IGSF3: variants seen among roughly 807,000 people sequenced by gnomAD.
IGSF3 encodes glu-Trp-Ile EWI motif-containing protein 3.
In IGSF3, 23 loss-of-function variants were observed where a neutral mutation model predicts 114.4. The ratio of observed to expected loss-of-function variants is 0.20; its 90% CI spans 0.14 to 0.28. The LOEUF (loss-of-function observed/expected upper bound fraction) is 0.28, where lower values mean the gene tolerates loss of function less well. Ranked by LOEUF, IGSF3 falls within the 10% of genes least tolerant of loss-of-function variation. The pLI is 1.00. For synonymous variants in IGSF3, 571 were observed against 645.2 expected, an observed-to-expected ratio of 0.88 and a Z score of 1.74; for missense variants, 1,172 against 1,591.5, an observed-to-expected ratio of 0.74 and a Z score of 4.48.
chr1:116,584,943 G>C lies in IGSF3; in HGVS notation c.2550C>G (p.Leu850=). 6.2e-7 allele frequency: 1 copy of C among 1,612,542 alleles called. No homozygotes were observed. Among genetic ancestry groups the C allele is most frequent in the South Asian group, 1.1e-5 (1 of 91,032 alleles). ...GCTTCCATACAAACCATTCCACCAT[G>C]AGCTGGGAGGTTATGCTGGTGCGGT... ...VLNRTSITSQ[L]MVEWFVWKPN... The change falls in exon 9 of 11, where the codon CTC becomes CTG. Residue 850 remains leucine (L), a synonymous_variant. Coordinates refer to ENST00000369486, the MANE Select transcript of IGSF3 (RefSeq NM_001007237.3). The surrounding 1 kb of genome is among the most constrained non-coding windows in gnomAD (Gnocchi z 5.8).
Position 116,614,277 on chromosome 1 carries a change from C to G in IGSF3, c.422-102G>C. The G allele has an allele frequency of 1.1e-6, 1 of 896,666 alleles. No homozygotes were observed. Among genetic ancestry groups the G allele is most frequent in the Non-Finnish European group, 1.8e-6 (1 of 566,764 alleles). The allele number at this position is 896,666 out of a possible 1,614,324, so 55.5% of individuals were successfully genotyped here. A position where few individuals can be genotyped will look rare whatever the true frequency, so the allele number is the denominator to read the frequency against. On this transcript the variant is annotated intron_variant, in intron 3 of 10. Transcript: ENST00000369486. This position sits in a 1 kb window ranked among gnomAD's most constrained non-coding sequence, Gnocchi z 4.5. Reference sequence around the variant, plus strand: ...CACGCAGGCGTCACTGCACTGCGCCCCTAACAGTCATCCTTGAACCATCGA... The same window carrying G: ...CACGCAGGCGTCACTGCACTGCGCCGCTAACAGTCATCCTTGAACCATCGA...
At position 116,665,327 on chromosome 1, in the gene IGSF3, TCATAA is replaced by T. The variant is rs1649285007; in HGVS notation, c.43+952_43+956del. On this transcript the variant is annotated intron_variant, in intron 2 of 10. Coordinates refer to ENST00000369486, the MANE Select transcript of IGSF3 (RefSeq NM_001007237.3). The surrounding 1 kb of genome is among the most constrained non-coding windows in gnomAD (Gnocchi z 4.0). ...GAGACGTGAACCCTGTAGGCAACAA[TCATAA>T]TCCCTTCTGAATGCAGAGGACCGAG... 6.6e-6 allele frequency among the ~76,000 whole-genome samples: 1 copy of T among 152,138 alleles called. No homozygotes were observed. Among genetic ancestry groups the T allele is most frequent in the African/African-American group, 2.4e-5 (1 of 41,426 alleles).
At position 116,610,488 on chromosome 1, in the gene IGSF3, T is replaced by G. The variant is rs1009862113; in HGVS notation, c.833-2157A>C. ...TCAATTACATCTCTAGAAACTGACCTGTGCTTTTTCCAATACCCCTTCCAC... is the reference window on the plus strand; with the variant it reads ...TCAATTACATCTCTAGAAACTGACCGGTGCTTTTTCCAATACCCCTTCCAC... On this transcript the variant is annotated intron_variant, in intron 4 of 10. Coordinates refer to ENST00000369486, the MANE Select transcript of IGSF3 (RefSeq NM_001007237.3). This position sits in a 1 kb window ranked among gnomAD's most constrained non-coding sequence, Gnocchi z 4.3. Among the ~76,000 whole-genome samples the G allele has an allele frequency of 2.0e-5, 3 of 152,198 alleles. No homozygotes were observed. Among genetic ancestry groups the G allele is most frequent in the Non-Finnish European group, 2.9e-5 (2 of 68,040 alleles).
chr1:116,587,649 T>C (rs1357376951), intron 8 of IGSF3, among the ~76,000 whole-genome samples: 2 of 152,228 alleles, frequency 1.3e-5, no homozygotes, highest in East Asian at 3.8e-4. Context: ...TATTAGGCTA[T>C]GTGTTTTAGA....
At position 116,577,484 on chromosome 1, in the gene IGSF3, C is replaced by A. The variant is rs1659400718; in HGVS notation, c.3413G>T (p.Gly1138Val). 6.2e-7 allele frequency: 1 copy of A among 1,614,006 alleles called. No individual in the cohort carries two copies. Residue 1138 changes from glycine to valine, a missense_variant, in exon 11 of 11, where the codon GGC (glycine) becomes GTC (valine). Transcript: ENST00000369486. This position sits in a 1 kb window ranked among gnomAD's most constrained non-coding sequence, Gnocchi z 5.7. ...CAGAAGGATGGTGATGATAAGAATG[C>A]CAAAGATGGGGAAAGGGTAGAAGAA... ...FVFFYPFPIFGILIITILLVR... is the reference protein window; with the variant it reads ...FVFFYPFPIFVILIITILLVR...
intron 2 of IGSF3, among the ~76,000 whole-genome samples, chr1:116,646,560 C>A (rs1005540556): frequency 6.6e-6 from 1 of 152,066 alleles, no homozygotes; most frequent in Non-Finnish European, 1.5e-5. Flanking sequence ...CAGAAGATGG[C>A]GTTAAAGAGT....
intron 5 of IGSF3, among the ~76,000 whole-genome samples, chr1:116,604,846 C>T (rs756909863): frequency 6.6e-6 from 1 of 152,224 alleles, no homozygotes. Context: ...ATTATTTAAA[C>T]TCGACATGCC....
At position 116,627,382 on chromosome 1, in the gene IGSF3, G is replaced by A. The variant is rs1412802541; in HGVS notation, c.44-10925C>T. The stretch of plus-strand genomic sequence containing the variant: ...TCTGGTCCCCAGATTTTCAGTCTGG[G>A]AGAAAGGTGTCTGCTGGATTTCAAA... On this transcript the variant is annotated intron_variant, in intron 2 of 10. Coordinates refer to ENST00000369486, the MANE Select transcript of IGSF3 (RefSeq NM_001007237.3). This position sits in a 1 kb window ranked among gnomAD's most constrained non-coding sequence, Gnocchi z 4.7. Among the ~76,000 whole-genome samples, 4 of 152,184 alleles carry A rather than the reference G, an allele frequency of 2.6e-5. No homozygotes were observed. Among genetic ancestry groups the A allele is most frequent in the African/African-American group, 7.2e-5 (3 of 41,430 alleles).
Position 116,584,825 on chromosome 1 carries a change from G to A in IGSF3, c.2668C>T (p.Arg890Trp), listed in dbSNP as rs1310584591. The A allele has an allele frequency of 5.0e-6, 8 of 1,614,218 alleles. No homozygotes were observed. Among genetic ancestry groups the A allele is most frequent in the Admixed American group, 3.3e-5 (2 of 60,036 alleles). ...EQAAKNNLKG[R>W]LHLESPSPGV... ...GGGGAAGGACTCTCCAAATGCAGCCGCCCCTTCAGATTGTTCTTGGCTGCC... is the reference window on the plus strand; with the variant it reads ...GGGGAAGGACTCTCCAAATGCAGCCACCCCTTCAGATTGTTCTTGGCTGCC... Residue 890 changes from arginine to tryptophan, a missense_variant, in exon 9 of 11, where the codon CGG becomes TGG. Physicochemically the swap from Arg to Trp is moderately radical, Grantham distance 101. Transcript: ENST00000369486. The surrounding 1 kb of genome is among the most constrained non-coding windows in gnomAD (Gnocchi z 5.8).
rs1661166327 is a variant in IGSF3, at chr1:116,615,052, A to G, written c.422-877T>C. Among the ~76,000 whole-genome samples, 2 of 152,176 alleles carry G rather than the reference A, an allele frequency of 1.3e-5. No homozygotes were observed. Among genetic ancestry groups the G allele is most frequent in the South Asian group, 4.1e-4 (2 of 4,826 alleles). On this transcript the variant is annotated intron_variant, in intron 3 of 10. Transcript: ENST00000369486. This position sits in a 1 kb window ranked among gnomAD's most constrained non-coding sequence, Gnocchi z 4.3. ...CACTTTGGGAGGGTGAGGGAGGCGG[A>G]TCACCTGAGGTCGGGAGTTCGAGAC...
chr1:116,655,977 GTTA>G lies in IGSF3; in HGVS notation c.43+10304_43+10306del, dbSNP rs1355579328. ...ATACAGCAAAATTTATTGTTATATA[GTTA>G]TTGAAGGAGGCTCACTACTCCCCAA... On this transcript the variant is annotated intron_variant, in intron 2 of 10. Coordinates refer to ENST00000369486, the MANE Select transcript of IGSF3 (RefSeq NM_001007237.3). The surrounding 1 kb of genome is among the most constrained non-coding windows in gnomAD (Gnocchi z 4.3). Among the ~76,000 whole-genome samples the G allele has an allele frequency of 2.0e-5, 3 of 152,066 alleles. No individual in the cohort carries two copies. Among genetic ancestry groups the G allele is most frequent in the Non-Finnish European group, 4.4e-5 (3 of 68,016 alleles).
At position 116,583,255 on chromosome 1, in the gene IGSF3, G is replaced by A. The variant is rs1168583046; in HGVS notation, c.2848+1390C>T. Among the ~76,000 whole-genome samples the A allele has an allele frequency of 6.6e-6, 1 of 152,220 alleles. No individual in the cohort carries two copies. The highest frequency in any genetic ancestry group is 1.5e-5 in the Non-Finnish European group (1 of 68,026). On this transcript the variant is annotated intron_variant, in intron 9 of 10. Transcript: ENST00000369486. The surrounding 1 kb of genome is among the most constrained non-coding windows in gnomAD (Gnocchi z 4.5). The stretch of plus-strand genomic sequence containing the variant: ...GTGTGCTGACCTGCAGAATGGGAGG[G>A]AGTTGAGGGAGTGGGGGCACTCAGC...
rs187153534 is a variant in IGSF3, at chr1:116,665,326, A to G, written c.43+958T>C. On this transcript the variant is annotated intron_variant, in intron 2 of 10. Transcript: ENST00000369486. The surrounding 1 kb of genome is among the most constrained non-coding windows in gnomAD (Gnocchi z 4.0). ...GGAGACGTGAACCCTGTAGGCAACAATCATAATCCCTTCTGAATGCAGAGG... is the reference window on the plus strand; with the variant it reads ...GGAGACGTGAACCCTGTAGGCAACAGTCATAATCCCTTCTGAATGCAGAGG... Among the ~76,000 whole-genome samples the G allele has an allele frequency of 3.3e-4, 50 of 152,298 alleles. No individual in the cohort carries two copies. In the East Asian group the frequency reaches 7.0e-3, roughly 21 times the overall value.
rs1660023195 is a variant in IGSF3, at chr1:116,589,867, G to A, written c.2030-763C>T. ...TGCTAAGTGCTGGGGATGCCCTGAA[G>A]AGTAAGCCGGAGTCCCAGCCCTCAT... is the stretch of plus-strand genomic sequence containing the variant. On this transcript the variant is annotated intron_variant, in intron 7 of 10. Transcript: ENST00000369486. The surrounding 1 kb of genome is among the most constrained non-coding windows in gnomAD (Gnocchi z 5.7). Among the ~76,000 whole-genome samples, 1 of 152,198 alleles carries A rather than the reference G, an allele frequency of 6.6e-6. No homozygotes were observed. Among genetic ancestry groups the A allele is most frequent in the South Asian group, 2.1e-4 (1 of 4,832 alleles).
intron 2 of IGSF3, among the ~76,000 whole-genome samples, chr1:116,626,402 C>G (rs1647283111): frequency 6.6e-6 from 1 of 152,086 alleles, no homozygotes. Context: ...AAATATAGTT[C>G]CCATTTTTCC....
intron 2 of IGSF3, among the ~76,000 whole-genome samples, chr1:116,622,644 A>G (rs1192725900): frequency 6.6e-6 from 1 of 152,224 alleles, no homozygotes; most frequent in Non-Finnish European, 1.5e-5. Context: ...AACTGAAGAC[A>G]AATGATCATA....
Position 116,655,996 on chromosome 1 carries a change from T to C in IGSF3, c.43+10288A>G, listed in dbSNP as rs1036787408. 1.3e-5 allele frequency among the ~76,000 whole-genome samples: 2 copies of C among 152,176 alleles called. No individual in the cohort carries two copies. The highest frequency in any genetic ancestry group is 1.3e-4 in the Admixed American group (2 of 15,270). On this transcript the variant is annotated intron_variant, in intron 2 of 10. Transcript: ENST00000369486. This position sits in a 1 kb window ranked among gnomAD's most constrained non-coding sequence, Gnocchi z 4.3. ...TATATAGTTATTGAAGGAGGCTCAC[T>C]ACTCCCCAATGATTTCACAAATTAC...
At position 116,576,587 on chromosome 1, in the gene IGSF3, C is replaced by G. The variant is rs555644489; in HGVS notation, c.*725G>C. 3.3e-5 allele frequency: 5 copies of G among 152,622 alleles called. No homozygotes were observed. The highest frequency in any genetic ancestry group is 2.6e-4 in the Admixed American group (4 of 15,298). 9.5% of individuals were successfully genotyped at this position (152,622 alleles called of 1,614,324 possible). A position where few individuals can be genotyped will look rare whatever the true frequency, so the allele number is the denominator to read the frequency against. ...AAGGATGGGATGAAGCCTTTTTTGC[C>G]TCCCTGACAGATAGGCCGGGCACCA... is the stretch of plus-strand genomic sequence containing the variant. On this transcript the variant is annotated 3_prime_UTR_variant, in exon 11 of 11. Transcript: ENST00000369486. The surrounding 1 kb of genome is among the most constrained non-coding windows in gnomAD (Gnocchi z 4.6).
chr1:116,588,327 G>A lies in IGSF3; in HGVS notation c.2440+367C>T, dbSNP rs551246790. Among the ~76,000 whole-genome samples the A allele has an allele frequency of 6.6e-6, 1 of 152,332 alleles. No homozygotes were observed. The highest frequency in any genetic ancestry group is 2.1e-4 in the South Asian group (1 of 4,832). ...TGCCTTCTAGGTAGGAACTCTGGGT[G>A]TGGAGCTGGTGTCAGCCCAAGATTC... On this transcript the variant is annotated intron_variant, in intron 8 of 10. Coordinates refer to ENST00000369486, the MANE Select transcript of IGSF3 (RefSeq NM_001007237.3). This position sits in a 1 kb window ranked among gnomAD's most constrained non-coding sequence, Gnocchi z 4.9.
Sources: allele counts gnomAD v4.1 joint callset (sites outside exome capture counted in the v4.1 genomes callset), GRCh38; gene constraint gnomAD v4.1.1; non-coding constraint Gnocchi (gnomAD v3.1); transcripts MANE v1.5; gene names NCBI Gene and HGNC (gene_info 2026-07-23, HGNC 2026-07-21).